The following ABRA variants were observed in gnomAD, a reference collection of about 807,000 sequenced individuals.
ABRA encodes actin binding Rho activating protein, also known as actin-binding Rho-activating protein.
A neutral mutation model predicts 33.4 loss-of-function variants in ABRA; 25 were observed. The ratio of observed to expected loss-of-function variants is 0.75; its 90% CI spans 0.55 to 1.04. The LOEUF is 1.04. ABRA is among the 50% of genes least tolerant of loss of function. ABRA has a pLI of 0.00. For missense variants in ABRA, 501 were observed against 491.7 expected (o/e 1.02, Z -0.18); for synonymous variants, 193 against 176.8 (o/e 1.09, Z -0.73).
At position 106,765,165 on chromosome 8, in the gene ABRA, C is replaced by T. The variant is rs79903917; in HGVS notation, c.669-3651G>A. Among the ~76,000 whole-genome samples the T allele has an allele frequency of 5.4e-3, 821 of 152,298 alleles. 11 individuals carry two copies. The highest frequency in any genetic ancestry group is 0.019 in the African/African-American group (787 of 41,548). On this transcript the variant is annotated intron_variant, in intron 1 of 1. Transcript: ENST00000311955. ...ACAACAGCAGTCCTAAATCCAGACC[C>T]ACCTTCTCAGTTTCTTCATTATTAG...
intron 1 of ABRA, among the ~76,000 whole-genome samples, chr8:106,763,343 G>A (rs1276259226): frequency 6.6e-6 from 1 of 152,176 alleles, no homozygotes; most frequent in Non-Finnish European, 1.5e-5. Context: ...ACTCCTACAT[G>A]TAACACCACT....
chr8:106,763,399 A>T (rs1836164568), intron 1 of ABRA, among the ~76,000 whole-genome samples: 1 of 152,212 alleles, frequency 6.6e-6, no homozygotes, highest in Non-Finnish European at 1.5e-5. Context: ...GTTAATTAGT[A>T]AAAGAAAGCA....
chr8:106,767,857 G>A (rs1784479), intron 1 of ABRA, among the ~76,000 whole-genome samples: 63,016 of 151,908 alleles, frequency 0.41, 13,508 homozygotes, highest in Admixed American at 0.49. Flanking sequence ...GACTTTGGGA[G>A]GCCGAGGTGG....
chr8:106,768,298 A>G (rs1439672536), intron 1 of ABRA, among the ~76,000 whole-genome samples: 1 of 152,136 alleles, frequency 6.6e-6, no homozygotes, highest in Non-Finnish European at 1.5e-5. Flanking sequence ...CTGACTTTCT[A>G]CCATGTGGAG....
chr8:106,769,715 C>G lies in ABRA; in HGVS notation c.476G>C (p.Arg159Pro), dbSNP rs201310535. ...CACCAGGTTGGCACATTTTCTCCTC[C>G]GCGTTGGGGAGCCGTGGCTGTGGAG... ...RILHSHGSPT[R>P]RRKCANLVSE... The change falls in exon 1 of 2, where the codon CGG (arginine) becomes CCG (proline). Residue 159 changes from arginine (R) to proline (P), a missense_variant. Transcript: ENST00000311955. 1.9e-6 allele frequency: 3 copies of G among 1,614,174 alleles called. No individual in the cohort carries two copies. In the South Asian group the frequency reaches 3.3e-5, roughly 18 times the overall value.
chr8:106,769,406 G>A (rs1810560251), intron 1 of ABRA, 117 bp downstream of exon 1: 2 of 1,394,064 alleles, frequency 1.4e-6, no homozygotes, highest in Non-Finnish European at 2.0e-6. Flanking sequence ...TGCCTGTCCA[G>A]TCTTTGAGAT....
intron 1 of ABRA, among the ~76,000 whole-genome samples, chr8:106,762,267 T>G (rs1362806094): frequency 6.6e-6 from 1 of 152,204 alleles, no homozygotes; most frequent in Non-Finnish European, 1.5e-5. Context: ...GAACCAAAGT[T>G]AAGCTGGCTC....
intron 1 of ABRA, among the ~76,000 whole-genome samples, chr8:106,763,713 T>A (rs976657950): frequency 1.3e-5 from 2 of 152,232 alleles, no homozygotes; most frequent in Non-Finnish European, 2.9e-5. Flanking sequence ...ATAAATTTCA[T>A]GCCAGACTTA....
At position 106,760,186 on chromosome 8, in the gene ABRA, A is replaced by G. The variant is rs1836115745; in HGVS notation, c.*851T>C. 1 of 152,206 alleles carries G rather than the reference A, an allele frequency of 6.6e-6. No homozygotes were observed. The highest frequency in any genetic ancestry group is 6.5e-5 in the Admixed American group (1 of 15,280). 9.4% of individuals were successfully genotyped at this position (152,206 alleles called of 1,614,324 possible). A position where few individuals can be genotyped will look rare whatever the true frequency, so the allele number is the denominator to read the frequency against. ...AATGAAACAATAAACTTCTCCAAGA[A>G]GTCCTACAAAGGCAAGTAAATCTGA... On this transcript the variant is annotated 3_prime_UTR_variant, in exon 2 of 2. Coordinates refer to ENST00000311955, the MANE Select transcript of ABRA (RefSeq NM_139166.5).
At position 106,760,948 on chromosome 8, in the gene ABRA, T is replaced by C. The variant is rs1017133349; in HGVS notation, c.*89A>G. ...AAATTGTTTAATATTTACTAACTTA[T>C]TACAGAGAGTTTGCATTTTCATTTT... On this transcript the variant is annotated 3_prime_UTR_variant, in exon 2 of 2. Transcript: ENST00000311955. The C allele has an allele frequency of 5.2e-6, 6 of 1,154,702 alleles. No individual in the cohort carries two copies. Among genetic ancestry groups the C allele is most frequent in the Non-Finnish European group, 7.5e-6 (6 of 799,546 alleles). 71.5% of individuals were successfully genotyped at this position (1,154,702 alleles called of 1,614,324 possible).
chr8:106,761,757 A>G (rs538399190), intron 1 of ABRA, among the ~76,000 whole-genome samples: 1 of 152,352 alleles, frequency 6.6e-6, no homozygotes, highest in Non-Finnish European at 1.5e-5. Context: ...TTTAAGCATT[A>G]TAATGATATT....
Position 106,769,879 on chromosome 8 carries a change from G to C in ABRA, c.312C>G (p.Ile104Met), listed in dbSNP as rs1390632733. 3 of 1,614,040 alleles carry C rather than the reference G, an allele frequency of 1.9e-6. No individual in the cohort carries two copies. The highest frequency in any genetic ancestry group is 4.5e-5 in the East Asian group (2 of 44,870). ...SSEKAPEVSHIKKKEVSKTVV... is the reference protein window; with the variant it reads ...SSEKAPEVSHMKKKEVSKTVV... Reference sequence around the variant, plus strand: ...CCGTTTTGGACACCTCTTTCTTTTTGATGTGAGAAACCTCAGGGGCTTTCT... The same window carrying C: ...CCGTTTTGGACACCTCTTTCTTTTTCATGTGAGAAACCTCAGGGGCTTTCT... The change falls in exon 1 of 2, where the codon ATC becomes ATG. Residue 104 changes from isoleucine to methionine, a missense_variant. By Grantham distance (10) the Ile-to-Met change is conservative (BLOSUM62 1). Transcript: ENST00000311955.
intron 1 of ABRA, among the ~76,000 whole-genome samples, chr8:106,763,175 G>T (rs1836161215): frequency 6.6e-6 from 1 of 152,150 alleles, no homozygotes; most frequent in Admixed American, 6.5e-5. Context: ...AACCAAACAC[G>T]TGGACCGGGA....
At position 106,760,328 on chromosome 8, in the gene ABRA, T is replaced by C. The variant is rs984232629; in HGVS notation, c.*709A>G. On this transcript the variant is annotated 3_prime_UTR_variant, in exon 2 of 2. Transcript: ENST00000311955. ...ATCAAACAAGAGGAAGGTGAACTCT[T>C]ACTGGAAACCTGTTAGAATCCAAGC... The C allele has an allele frequency of 6.6e-6, 1 of 152,184 alleles. No homozygotes were observed. Among genetic ancestry groups the C allele is most frequent in the African/African-American group, 2.4e-5 (1 of 41,450 alleles). 9.4% of individuals were successfully genotyped at this position (152,184 alleles called of 1,614,324 possible). A position where few individuals can be genotyped will look rare whatever the true frequency, so the allele number is the denominator to read the frequency against.
chr8:106,765,872 A>C (rs1289968925), intron 1 of ABRA, among the ~76,000 whole-genome samples: 1 of 152,196 alleles, frequency 6.6e-6, no homozygotes, highest in Admixed American at 6.5e-5. Context: ...GGATTTCACT[A>C]ATTAAGCCCA....
intron 1 of ABRA, among the ~76,000 whole-genome samples, chr8:106,762,032 A>G (rs1461173647): frequency 6.6e-6 from 1 of 152,224 alleles, no homozygotes; most frequent in Non-Finnish European, 1.5e-5. Flanking sequence ...TGATGCCACA[A>G]ACTTCGAAAT....
chr8:106,761,506 CTG>C lies in ABRA; in HGVS notation c.675_676del (p.Asn225LysfsTer15). ...TTTGCAGTTGAGTTTCTCTGTAAATCTGTTTACCCTAAAGTAGAGAGAGGGTG... is the reference window on the plus strand; with the variant it reads ...TTTGCAGTTGAGTTTCTCTGTAAATCTTTACCCTAAAGTAGAGAGAGGGTG... On this transcript the variant is annotated frameshift_variant, in exon 2 of 2. Transcript: ENST00000311955. LOFTEE classifies it high-confidence loss of function. 6.2e-7 allele frequency: 1 copy of C among 1,612,356 alleles called. No homozygotes were observed. Among genetic ancestry groups the C allele is most frequent in the South Asian group, 1.1e-5 (1 of 90,832 alleles).
chr8:106,762,948 TCCCA>T (rs1836158656), intron 1 of ABRA, among the ~76,000 whole-genome samples: 1 of 152,116 alleles, frequency 6.6e-6, no homozygotes, highest in Non-Finnish European at 1.5e-5. Flanking sequence ...ATCACAAGCG[TCCCA>T]CCCTCCCTTT....
chr8:106,759,713 T>A lies in ABRA; in HGVS notation c.*1324A>T, dbSNP rs1468157402. On this transcript the variant is annotated 3_prime_UTR_variant, in exon 2 of 2. Transcript: ENST00000311955. ...AAAACAAATATAATTCTTATAGCAG[T>A]CTAATACCTATTATTTTGAGGTATC... 2 of 152,226 alleles carry A rather than the reference T, an allele frequency of 1.3e-5. No homozygotes were observed. The highest frequency in any genetic ancestry group is 4.8e-5 in the African/African-American group (2 of 41,466). The allele number at this position is 152,226 out of a possible 1,614,324, so 9.4% of individuals were successfully genotyped here.
Sources: allele counts gnomAD v4.1 joint callset (sites outside exome capture counted in the v4.1 genomes callset), GRCh38; gene constraint gnomAD v4.1.1; transcripts MANE v1.5; gene names NCBI Gene and HGNC (gene_info 2026-07-23, HGNC 2026-07-21).